The following ZSCAN5A variants were observed in gnomAD, a reference collection of about 807,000 sequenced individuals.
The protein encoded by ZSCAN5A is zinc finger and SCAN domain containing 5A, also known as zinc finger and SCAN domain-containing protein 5A.
In ZSCAN5A, 12 loss-of-function variants were observed where a neutral mutation model predicts 23.7. The ratio of observed to expected loss-of-function variants is 0.51; its 90% CI spans 0.32 to 0.82. The LOEUF is 0.82. Among genes scored for constraint, ZSCAN5A ranks in the 40% least tolerant of loss-of-function variants. The pLI is 0.03. For missense variants in ZSCAN5A, 597 were observed against 617.9 expected (o/e 0.97, Z 0.36); for synonymous variants, 257 against 239.9 (o/e 1.07, Z -0.66).
rs1704242129 is a variant in ZSCAN5A, at chr19:56,227,689, T to G, written c.-127-2516A>C. 1.3e-5 allele frequency among the ~76,000 whole-genome samples: 2 copies of G among 152,162 alleles called. 1 individual carries two copies. Among genetic ancestry groups the G allele is most frequent in the Admixed American group, 1.3e-4 (2 of 15,282 alleles). ...CACTTAGCTCAGATTCTCATTGGCC[T>G]AGTAGGTTGATGCTCATTCATCAAT... is the stretch of plus-strand genomic sequence containing the variant. On this transcript the variant is annotated intron_variant, in intron 2 of 5. Transcript: ENST00000683990.
At chr19:56,329,101 C>T (rs568342449) in intron 2 of ZSCAN5A, among the ~76,000 whole-genome samples, 2 of 152,082 alleles carry the variant, frequency 1.3e-5, no homozygotes, top group Admixed American at 6.5e-5. Context: ...GTAATCCCAG[C>T]ATTTAGGGAG....
Position 56,303,208 on chromosome 19 carries a change from G to A in ZSCAN5A, c.-128+10075C>T, listed in dbSNP as rs143015444. On this transcript the variant is annotated intron_variant, in intron 2 of 5. Coordinates refer to ENST00000683990, the MANE Select transcript of ZSCAN5A (RefSeq NM_001322064.3). Reference sequence around the variant, plus strand: ...AGAAACTACAAGCCAGGCCGGGCACGGTGGCTCACGCTTGTCATCGCAGCA... The same window carrying A: ...AGAAACTACAAGCCAGGCCGGGCACAGTGGCTCACGCTTGTCATCGCAGCA... Among the ~76,000 whole-genome samples the A allele has an allele frequency of 5.7e-3, 865 of 152,294 alleles. 4 individuals carry two copies. Among genetic ancestry groups the A allele is most frequent in the African/African-American group, 0.014 (597 of 41,574 alleles).
intron 2 of ZSCAN5A, chr19:56,245,339 T>G (rs771016590): frequency 1.3e-6 from 1 of 751,666 alleles, no homozygotes; most frequent in South Asian, 1.4e-5. Context: ...GCGGGCCTCC[T>G]CTGTGAATGA....
chr19:56,302,115 G>T (rs1437437725), intron 2 of ZSCAN5A: 27 of 1,230,902 alleles, frequency 2.2e-5, no homozygotes, highest in Non-Finnish European at 2.0e-6. Flanking sequence ...AGGCAGCACG[G>T]AGGGGAGGAG....
rs540773973 is a variant in ZSCAN5A at position 56,343,143 on chromosome 19, G to T, written c.-358+20092C>A. 69 of 729,070 alleles carry T rather than the reference G, an allele frequency of 9.5e-5. 1 individual carries two copies. Among genetic ancestry groups the T allele is most frequent in the South Asian group, 9.5e-4 (63 of 66,572 alleles). The allele number at this position is 729,070 out of a possible 1,614,324, so 45.2% of individuals were successfully genotyped here. ...ATTTCATCCTTCAAATGCCTAAAAT[G>T]GTCCTTTATTTCATCTCTAATTGCT... On this transcript the variant is annotated intron_variant, in intron 2 of 6. Transcript: ENST00000587340.
At chr19:56,329,924 A>T (rs2041474320) in intron 2 of ZSCAN5A, among the ~76,000 whole-genome samples, 1 of 152,106 alleles carries the variant, frequency 6.6e-6, no homozygotes, top group Non-Finnish European at 1.5e-5. Context: ...TTGATGATTG[A>T]TCCTGTCACT....
chr19:56,288,634 C>T (rs994385108), intron 2 of ZSCAN5A, among the ~76,000 whole-genome samples: 7 of 152,210 alleles, frequency 4.6e-5, no homozygotes, highest in Non-Finnish European at 7.3e-5. Flanking sequence ...ATGCCCAGCA[C>T]ACAGGAGATG....
chr19:56,299,065 A>T (rs1317710009), intron 2 of ZSCAN5A, among the ~76,000 whole-genome samples: 2 of 152,264 alleles, frequency 1.3e-5, no homozygotes, highest in Non-Finnish European at 2.9e-5. Flanking sequence ...CCTTATTAAC[A>T]TAAAAGAAAA....
intron 2 of ZSCAN5A, 54 bp downstream of exon 2, chr19:56,313,229 T>G (rs2041154752): frequency 5.9e-6 from 2 of 336,650 alleles, no homozygotes; most frequent in Non-Finnish European, 1.2e-5. Flanking sequence ...ACGCTGCTGA[T>G]AAAGACATAT....
chr19:56,328,841 A>C (rs1273301041), intron 2 of ZSCAN5A, among the ~76,000 whole-genome samples: 3 of 150,894 alleles, frequency 2.0e-5, no homozygotes, highest in Non-Finnish European at 4.4e-5. Context: ...TACAAAAAAA[A>C]AAAATTAGCT....
At chr19:56,337,657 A>C (rs1413170981) in intron 2 of ZSCAN5A, among the ~76,000 whole-genome samples, 1 of 152,182 alleles carries the variant, frequency 6.6e-6, no homozygotes, top group East Asian at 1.9e-4. Flanking sequence ...GAAATGCAGA[A>C]GTCACCTGTC....
chr19:56,291,247 C>G (rs1030628947), intron 2 of ZSCAN5A, among the ~76,000 whole-genome samples: 1 of 152,136 alleles, frequency 6.6e-6, no homozygotes. Context: ...CCCTCCTGAC[C>G]CTCGGGGGAG....
At chr19:56,287,408 C>A (rs1268545922) in intron 2 of ZSCAN5A, among the ~76,000 whole-genome samples, 1 of 152,160 alleles carries the variant, frequency 6.6e-6, no homozygotes, top group Non-Finnish European at 1.5e-5. Flanking sequence ...CTTCCCGCCT[C>A]TCCTCCCTCC....
At chr19:56,238,665 C>A (rs1232421366) in intron 2 of ZSCAN5A, among the ~76,000 whole-genome samples, 1 of 152,052 alleles carries the variant, frequency 6.6e-6, no homozygotes, top group Non-Finnish European at 1.5e-5. Context: ...AATTTATCCA[C>A]ACAGGTAGGA....
intron 2 of ZSCAN5A, among the ~76,000 whole-genome samples, chr19:56,259,532 C>A (rs2036968132): frequency 6.6e-6 from 1 of 152,168 alleles, no homozygotes; most frequent in Non-Finnish European, 1.5e-5. Context: ...TTGAGAGGCA[C>A]TTGTGAGATC....
rs139035140 is a variant in ZSCAN5A, at chr19:56,224,939, G to A, written c.108C>T (p.His36=). Residue 36 remains histidine (H), a synonymous_variant, in exon 3 of 6, where the codon CAC becomes CAT. Coordinates refer to ENST00000683990, the MANE Select transcript of ZSCAN5A (RefSeq NM_001322064.3). ...MASSETQLGN[H]DVDPEISHVN... Reference sequence around the variant, plus strand: ...CGTGAGAAATCTCAGGGTCCACGTCGTGATTTCCAAGTTGAGTTTCTGAGG... The same window carrying A: ...CGTGAGAAATCTCAGGGTCCACGTCATGATTTCCAAGTTGAGTTTCTGAGG... The A allele has an allele frequency of 1.0e-4, 165 of 1,614,142 alleles. No individual in the cohort carries two copies. The African/African-American group carries it at 1.6e-3, about 16-fold the overall frequency.
intron 2 of ZSCAN5A, among the ~76,000 whole-genome samples, chr19:56,279,876 T>C (rs1476308546): frequency 6.6e-6 from 1 of 152,142 alleles, no homozygotes; most frequent in African/African-American, 2.4e-5. Flanking sequence ...TTTATTAATA[T>C]TTCAATTAAC....
intron 2 of ZSCAN5A, among the ~76,000 whole-genome samples, chr19:56,330,096 G>C (rs767098599): frequency 1.3e-5 from 2 of 152,164 alleles, no homozygotes; most frequent in African/African-American, 4.8e-5. Context: ...TTGGTTTTCT[G>C]TTCCTGTGTT....
chr19:56,225,752 G>A (rs2033862986), intron 2 of ZSCAN5A, among the ~76,000 whole-genome samples: 1 of 152,000 alleles, frequency 6.6e-6, no homozygotes, highest in African/African-American at 2.4e-5. Flanking sequence ...GATTTTATGG[G>A]ACTAAGACAT....
Sources: allele counts gnomAD v4.1 joint callset (sites outside exome capture counted in the v4.1 genomes callset), GRCh38; gene constraint gnomAD v4.1.1; transcripts MANE v1.5; gene names NCBI Gene and HGNC (gene_info 2026-07-23, HGNC 2026-07-21).